PELI2: variants seen among roughly 807,000 people sequenced by gnomAD.
PELI2 encodes pellino E3 ubiquitin protein ligase family member 2.
Under a neutral mutation model 42.3 loss-of-function variants are expected in PELI2, and 23 were observed. That is an observed-to-expected ratio of 0.54 (90% confidence interval 0.39 to 0.77). The LOEUF is 0.77. Ranked by LOEUF, PELI2 falls within the 30% of genes least tolerant of loss-of-function variation. The pLI is 0.00. For synonymous variants in PELI2, 245 were observed against 212.2 expected, an observed-to-expected ratio of 1.15 and a Z score of -1.34; for missense variants, 463 against 553.2, an observed-to-expected ratio of 0.84 and a Z score of 1.64.
At chr14:56,162,606 C>T (rs1884806043) in intron 1 of PELI2, among the ~76,000 whole-genome samples, 2 of 152,134 alleles carry the variant, frequency 1.3e-5, no homozygotes, top group African/African-American at 2.4e-5. Context: ...GTACTGATTT[C>T]CTTTCTTTTT....
chr14:56,246,412 G>C (rs556211710), intron 2 of PELI2, among the ~76,000 whole-genome samples: 1 of 152,246 alleles, frequency 6.6e-6, no homozygotes, highest in Admixed American at 6.5e-5. Flanking sequence ...TACTTAAGCT[G>C]CTAATCTTCC....
At chr14:56,198,002 ACACACACACACC>A (rs71448479) in intron 2 of PELI2, among the ~76,000 whole-genome samples, 7,360 of 144,776 alleles carry the variant, frequency 0.051, 234 homozygotes, top group Non-Finnish European at 0.078. Context: ...ACACACACAC[ACACACACACACC>A]CACCTCTTTG....
intron 2 of PELI2, among the ~76,000 whole-genome samples, chr14:56,226,546 T>G (rs1887362004): frequency 6.6e-6 from 1 of 152,226 alleles, no homozygotes; most frequent in African/African-American, 2.4e-5. Flanking sequence ...TACAGGTAAT[T>G]AAGTATCCCT....
chr14:56,188,521 A>G (rs1457789594), intron 2 of PELI2, among the ~76,000 whole-genome samples: 1 of 152,220 alleles, frequency 6.6e-6, no homozygotes, highest in South Asian at 2.1e-4. Context: ...GCCACTGCAT[A>G]GTATTTCATT....
intron 1 of PELI2, among the ~76,000 whole-genome samples, chr14:56,154,160 A>G (rs952424168): frequency 1.3e-5 from 2 of 152,234 alleles, no homozygotes; most frequent in Non-Finnish European, 2.9e-5. Flanking sequence ...GCATATTAAA[A>G]AGTTTCAACA....
chr14:56,223,205 A>C (rs1476783153), intron 2 of PELI2, among the ~76,000 whole-genome samples: 1 of 152,144 alleles, frequency 6.6e-6, no homozygotes, highest in African/African-American at 2.4e-5. Context: ...TGCCGCTGCC[A>C]AGGGAGTCTT....
At chr14:56,132,934 G>A (rs1883544620) in intron 1 of PELI2, among the ~76,000 whole-genome samples, 1 of 152,028 alleles carries the variant, frequency 6.6e-6, no homozygotes, top group Non-Finnish European at 1.5e-5. Flanking sequence ...TAAAAAATTT[G>A]TAAATGGGAT....
intron 2 of PELI2, among the ~76,000 whole-genome samples, chr14:56,208,663 CCA>C (rs1210811222): frequency 1.3e-4 from 20 of 152,180 alleles, no homozygotes; most frequent in Admixed American, 1.3e-3. Context: ...TATTAAATCT[CCA>C]CCCTTGAGTA....
intron 5 of PELI2, chr14:56,292,606 T>G: frequency 6.0e-6 from 1 of 165,810 alleles, no homozygotes; most frequent in Non-Finnish European, 1.2e-5. Context: ...AGTCACATTG[T>G]GGAGCTAGTG....
At position 56,212,750 on chromosome 14, in the gene PELI2, G is replaced by C. The variant is rs149955712; in HGVS notation, c.207+34286G>C. Reference sequence around the variant, plus strand: ...ATAACTCTTCAGTCTTCTGTCAGCAGCTCCTTTCCTACAAGTATCCTGGAG... The same window carrying C: ...ATAACTCTTCAGTCTTCTGTCAGCACCTCCTTTCCTACAAGTATCCTGGAG... On this transcript the variant is annotated intron_variant, in intron 2 of 5. Coordinates refer to ENST00000267460, the MANE Select transcript of PELI2 (RefSeq NM_021255.3). 3.2e-4 allele frequency among the ~76,000 whole-genome samples: 48 copies of C among 152,322 alleles called. No homozygotes were observed. The East Asian group carries it at 9.3e-3, about 29-fold the overall frequency.
At chr14:56,264,882 T>C (rs1888841098) in intron 2 of PELI2, among the ~76,000 whole-genome samples, 1 of 152,148 alleles carries the variant, frequency 6.6e-6, no homozygotes, top group South Asian at 2.1e-4. Flanking sequence ...TTATGACAAC[T>C]TGATAGAATA....
chr14:56,206,867 T>A (rs1886536083), intron 2 of PELI2, among the ~76,000 whole-genome samples: 1 of 152,218 alleles, frequency 6.6e-6, no homozygotes, highest in South Asian at 2.1e-4. Flanking sequence ...TGATTAAACT[T>A]GTCTGTATTA....
chr14:56,175,201 G>A (rs938866696), intron 1 of PELI2, among the ~76,000 whole-genome samples: 19 of 152,040 alleles, frequency 1.2e-4, no homozygotes, highest in African/African-American at 4.6e-4. Context: ...TTGACACATT[G>A]CCCAGGCTGG....
intron 2 of PELI2, among the ~76,000 whole-genome samples, chr14:56,275,117 C>G (rs1359111485): frequency 6.6e-6 from 1 of 152,132 alleles, no homozygotes; most frequent in Non-Finnish European, 1.5e-5. Context: ...TGAATGCCTG[C>G]CACACTGTTG....
At chr14:56,149,650 C>T (rs1324280513) in intron 1 of PELI2, among the ~76,000 whole-genome samples, 1 of 150,978 alleles carries the variant, frequency 6.6e-6, no homozygotes, top group African/African-American at 2.4e-5. Context: ...TTTTTTGTTG[C>T]TCTGGTAGAT....
In PELI2 at chr14:56,197,181, A is replaced by G. The variant is rs1886159767; in HGVS notation, c.207+18717A>G. Among the ~76,000 whole-genome samples, 1 of 152,236 alleles carries G rather than the reference A, an allele frequency of 6.6e-6. No individual in the cohort carries two copies. Among genetic ancestry groups the G allele is most frequent in the South Asian group, 2.1e-4 (1 of 4,834 alleles). On this transcript the variant is annotated intron_variant, in intron 2 of 5. Coordinates refer to ENST00000267460, the MANE Select transcript of PELI2 (RefSeq NM_021255.3). The surrounding 1 kb of genome is among the most constrained non-coding windows in gnomAD (Gnocchi z 4.9). ...GAGGCAGGCAATAAATAAGAAATCA[A>G]ACAAATAAATATATAATATTCATTG...
intron 2 of PELI2, among the ~76,000 whole-genome samples, chr14:56,242,408 T>G (rs1594675795): frequency 6.6e-6 from 1 of 152,082 alleles, no homozygotes; most frequent in South Asian, 2.1e-4. Flanking sequence ...GAAGCTAAAG[T>G]CTCATCATGT....
intron 2 of PELI2, among the ~76,000 whole-genome samples, chr14:56,229,452 G>A (rs1213421472): frequency 6.6e-6 from 1 of 152,200 alleles, no homozygotes; most frequent in African/African-American, 2.4e-5. Context: ...CTGTTCTGCA[G>A]CCTCCACTGG....
At chr14:56,184,837 C>T (rs1051810352) in intron 2 of PELI2, among the ~76,000 whole-genome samples, 1 of 152,022 alleles carries the variant, frequency 6.6e-6, no homozygotes, top group African/African-American at 2.4e-5. Flanking sequence ...GTATATCAAT[C>T]ACAGCTCATA....
Sources: gnomAD v4.1 joint callset for allele counts (sites outside exome capture counted in the v4.1 genomes callset) on GRCh38, gnomAD v4.1.1 for gene constraint, Gnocchi (gnomAD v3.1) non-coding constraint, MANE v1.5 for transcripts, NCBI Gene and HGNC (gene_info 2026-07-23, HGNC 2026-07-21) for gene names.